The following MAGI2 variants were observed in gnomAD, a reference collection of about 807,000 sequenced individuals.
MAGI2 encodes membrane associated guanylate kinase, WW and PDZ domain containing 2.
In MAGI2, 35 loss-of-function variants were observed where a neutral mutation model predicts 133.3. The ratio of observed to expected loss-of-function variants is 0.26; its 90% CI spans 0.20 to 0.35. The LOEUF (loss-of-function observed/expected upper bound fraction) is 0.35. MAGI2 is among the 10% of genes least tolerant of loss of function. MAGI2 has a pLI of 1.00. For synonymous variants in MAGI2, 729 were observed against 710.6 expected, an observed-to-expected ratio of 1.03 and a Z score of -0.41; for missense variants, 1,636 against 1,863.4, an observed-to-expected ratio of 0.88 and a Z score of 2.25.
chr7:78,922,381 T>C (rs1446269477), intron 2 of MAGI2, among the ~76,000 whole-genome samples: 2 of 150,454 alleles, frequency 1.3e-5, no homozygotes, highest in Non-Finnish European at 3.0e-5. Flanking sequence ...TGTGATGTTC[T>C]CCTCCCTGTG....
At chr7:79,223,051 AT>A (rs1185047568) in intron 1 of MAGI2, among the ~76,000 whole-genome samples, 2 of 151,690 alleles carry the variant, frequency 1.3e-5, no homozygotes, top group Non-Finnish European at 2.9e-5. Context: ...CTCCTGGCTA[AT>A]TTTTTTGTAT....
At chr7:78,049,150 C>A (rs1336134172) in intron 21 of MAGI2, among the ~76,000 whole-genome samples, 2 of 151,252 alleles carry the variant, frequency 1.3e-5, no homozygotes, top group Non-Finnish European at 2.9e-5. Flanking sequence ...TTAATTTATT[C>A]TTTCTTTTTA....
intron 1 of MAGI2, among the ~76,000 whole-genome samples, chr7:79,434,121 G>GA (rs906998053): frequency 2.5e-4 from 37 of 145,628 alleles, no homozygotes; most frequent in Middle Eastern, 3.4e-3. Context: ...CTCTTTTGGA[G>GA]AAAAAAAAAA....
intron 2 of MAGI2, among the ~76,000 whole-genome samples, chr7:78,924,405 G>T (rs567823986): frequency 6.6e-6 from 1 of 152,238 alleles, no homozygotes; most frequent in East Asian, 1.9e-4. Context: ...TTACCATGAA[G>T]TGTTGTTGAA....
chr7:78,685,495 T>C (rs1373946422), intron 2 of MAGI2, among the ~76,000 whole-genome samples: 1 of 147,032 alleles, frequency 6.8e-6, no homozygotes, highest in African/African-American at 2.5e-5. Context: ...GCCCCACGAG[T>C]AAAATCCTCT....
At chr7:79,330,129 A>ATCAAATACC (rs1000994005) in intron 1 of MAGI2, among the ~76,000 whole-genome samples, 2 of 149,484 alleles carry the variant, frequency 1.3e-5, no homozygotes, top group African/African-American at 4.9e-5. Context: ...ATGAAGAATG[A>ATCAAATACC]TCAAATACCT....
At chr7:79,268,021 C>T (rs963910434) in intron 1 of MAGI2, among the ~76,000 whole-genome samples, 1 of 152,130 alleles carries the variant, frequency 6.6e-6, no homozygotes, top group East Asian at 1.9e-4. Flanking sequence ...TGAGTTTAAT[C>T]GCCCCTGGTC....
intron 6 of MAGI2, among the ~76,000 whole-genome samples, chr7:78,419,634 C>T (rs1798620978): frequency 6.7e-6 from 1 of 148,226 alleles, no homozygotes; most frequent in Non-Finnish European, 1.5e-5. Context: ...GGGAAAGGGC[C>T]CAAGAGAGCT....
At chr7:79,390,581 G>T (rs1479610142) in intron 1 of MAGI2, among the ~76,000 whole-genome samples, 3 of 152,086 alleles carry the variant, frequency 2.0e-5, no homozygotes, top group Admixed American at 6.6e-5. Context: ...TCAGGAAAAG[G>T]TAGAGTGTTG....
chr7:79,245,085 G>A (rs1832724884), intron 1 of MAGI2, among the ~76,000 whole-genome samples: 1 of 152,188 alleles, frequency 6.6e-6, no homozygotes, highest in African/African-American at 2.4e-5. Flanking sequence ...ATCACCTGCT[G>A]ACTAAAGAGC....
At chr7:79,362,461 C>T (rs111472497) in intron 1 of MAGI2, among the ~76,000 whole-genome samples, 3,113 of 152,026 alleles carry the variant, frequency 0.02, 53 homozygotes, top group Middle Eastern at 0.051. Context: ...CCAATTTTAA[C>T]GAATCCCTTT....
chr7:78,062,785 G>A (rs1813417862), intron 21 of MAGI2, among the ~76,000 whole-genome samples: 1 of 152,128 alleles, frequency 6.6e-6, no homozygotes, highest in Non-Finnish European at 1.5e-5. Context: ...CCTCACTTAA[G>A]TGTCTCTCAG....
At chr7:79,057,690 T>C (rs1359469270) in intron 1 of MAGI2, among the ~76,000 whole-genome samples, 1 of 152,174 alleles carries the variant, frequency 6.6e-6, no homozygotes, top group Non-Finnish European at 1.5e-5. Context: ...TTTGTATTAA[T>C]GCTTAGTACC....
rs182723931 is a variant in MAGI2 at position 79,040,728 on chromosome 7, C to T, written c.302-33522G>A. On this transcript the variant is annotated intron_variant, in intron 1 of 21. Transcript: ENST00000354212. Reference sequence around the variant, plus strand: ...TGGTTCTCACAAGTGTCCAGCATTTCCCCCGCTTGCACTCACTCCACTGTC... The same window carrying T: ...TGGTTCTCACAAGTGTCCAGCATTTTCCCCGCTTGCACTCACTCCACTGTC... 2.4e-3 allele frequency among the ~76,000 whole-genome samples: 371 copies of T among 152,190 alleles called. 1 individual carries two copies. The highest frequency in any genetic ancestry group is 8.0e-3 in the African/African-American group (332 of 41,542).
chr7:78,828,427 C>G (rs1385763159), intron 2 of MAGI2, among the ~76,000 whole-genome samples: 1 of 152,076 alleles, frequency 6.6e-6, no homozygotes, highest in Non-Finnish European at 1.5e-5. Context: ...CTACCCTAAC[C>G]ATGAAACAAA....
At chr7:78,041,804 T>C (rs1810877849) in intron 21 of MAGI2, among the ~76,000 whole-genome samples, 1 of 152,194 alleles carries the variant, frequency 6.6e-6, no homozygotes, top group South Asian at 2.1e-4. Context: ...GAGTGAATAG[T>C]TCATTGAATG....
chr7:78,149,149 C>T (rs2150576604), intron 16 of MAGI2, among the ~76,000 whole-genome samples: 1 of 152,278 alleles, frequency 6.6e-6, no homozygotes, highest in African/African-American at 2.4e-5. Context: ...ATGCCAGCCT[C>T]ATTTCAAATG....
chr7:78,673,222 C>G (rs1484205757), intron 2 of MAGI2, among the ~76,000 whole-genome samples: 1 of 151,978 alleles, frequency 6.6e-6, no homozygotes, highest in Non-Finnish European at 1.5e-5. Context: ...CTTTTAGTCA[C>G]TGTTATTCAT....
chr7:78,377,114 C>G (rs1428794607), intron 6 of MAGI2, among the ~76,000 whole-genome samples: 1 of 152,004 alleles, frequency 6.6e-6, no homozygotes, highest in Non-Finnish European at 1.5e-5. Flanking sequence ...AGTGTAAAGG[C>G]TGATATATAG....
Sources: allele counts gnomAD v4.1 joint callset (sites outside exome capture counted in the v4.1 genomes callset), GRCh38; gene constraint gnomAD v4.1.1; transcripts MANE v1.5; gene names NCBI Gene and HGNC (gene_info 2026-07-23, HGNC 2026-07-21).